The following ZFHX3 variants were observed in gnomAD, a reference collection of about 807,000 sequenced individuals.
ZFHX3 encodes zinc finger homeobox protein 3.
In ZFHX3, 42 loss-of-function variants were observed where a neutral mutation model predicts 279.1. That is an observed-to-expected ratio of 0.15 (90% CI 0.12 to 0.19). The LOEUF is 0.19. Ranked by LOEUF, ZFHX3 falls within the 10% of genes least tolerant of loss-of-function variation. The pLI is 1.00. For missense variants in ZFHX3, 4,981 were observed against 4,754.0 expected (o/e 1.05, Z -1.40); for synonymous variants, 2,293 against 1,957.8 (o/e 1.17, Z -4.52).
At chr16:73,293,444 T>C (rs903600059) in intron 4 of ZFHX3, among the ~76,000 whole-genome samples, 4 of 152,214 alleles carry the variant, frequency 2.6e-5, no homozygotes, top group African/African-American at 9.6e-5. Context: ...CCAGGAATCA[T>C]CATAAATGGT....
chr16:73,027,195 T>C (rs549502138), intron 1 of ZFHX3, among the ~76,000 whole-genome samples: 3 of 152,360 alleles, frequency 2.0e-5, no homozygotes, highest in African/African-American at 4.8e-5. Flanking sequence ...TGGCAGGCCA[T>C]GCCAACATGT....
At chr16:72,874,036 G>T (rs1046488603) in intron 4 of ZFHX3, among the ~76,000 whole-genome samples, 1 of 152,008 alleles carries the variant, frequency 6.6e-6, no homozygotes, top group African/African-American at 2.4e-5. Flanking sequence ...TGTCTGTTGT[G>T]CCCGAGGACA....
At position 73,618,926 on chromosome 16, in the gene ZFHX3, C is replaced by G. The variant is rs976972021; in HGVS notation, c.-1547+61254G>C. On this transcript the variant is annotated intron_variant, in intron 2 of 17. Transcript: ENST00000641206. ...CAAGGGGCATGAGATGTGATGGGAC[C>G]ATGACTTGTCACAGCTGACTACCAT... is the stretch of plus-strand genomic sequence containing the variant. Among the ~76,000 whole-genome samples, 3 of 152,132 alleles carry G rather than the reference C, an allele frequency of 2.0e-5. No homozygotes were observed. In the South Asian group the frequency reaches 6.2e-4, roughly 32 times the overall value.
chr16:73,502,371 G>C (rs1188266005), intron 2 of ZFHX3, among the ~76,000 whole-genome samples: 2 of 152,192 alleles, frequency 1.3e-5, no homozygotes, highest in Non-Finnish European at 2.9e-5. Context: ...TTTTTGACGA[G>C]GTCGTCATGC....
intron 2 of ZFHX3, among the ~76,000 whole-genome samples, chr16:73,484,675 C>T (rs1395935364): frequency 2.6e-5 from 4 of 152,174 alleles, no homozygotes; most frequent in Admixed American, 6.5e-5. Flanking sequence ...CAATACTTCC[C>T]AAAGCATTCT....
At chr16:73,117,363 T>C (rs990407936) in intron 7 of ZFHX3, among the ~76,000 whole-genome samples, 3 of 152,246 alleles carry the variant, frequency 2.0e-5, no homozygotes, top group African/African-American at 7.2e-5. Flanking sequence ...AATTGTATAC[T>C]AGGTCATGAA....
intron 1 of ZFHX3, among the ~76,000 whole-genome samples, chr16:72,964,216 T>A (rs1332308539): frequency 6.6e-6 from 1 of 152,012 alleles, no homozygotes; most frequent in Non-Finnish European, 1.5e-5. Flanking sequence ...GAATTCATCA[T>A]AAGGAAAGAA....
At chr16:73,309,200 A>C (rs1179736602) in intron 4 of ZFHX3, among the ~76,000 whole-genome samples, 3 of 152,052 alleles carry the variant, frequency 2.0e-5, no homozygotes, top group Admixed American at 2.0e-4. Context: ...AGTACCCCAT[A>C]GTTGTTTTTT....
intron 5 of ZFHX3, among the ~76,000 whole-genome samples, chr16:73,202,084 G>T (rs1334085225): frequency 6.6e-6 from 1 of 152,080 alleles, no homozygotes; most frequent in Non-Finnish European, 1.5e-5. Context: ...TCTTAAAAAA[G>T]GCATTTAAAT....
chr16:73,425,024 C>T lies in ZFHX3; in HGVS notation c.-1291+30979G>A, dbSNP rs556706107. Among the ~76,000 whole-genome samples, 5 of 152,238 alleles carry T rather than the reference C, an allele frequency of 3.3e-5. No individual in the cohort carries two copies. In the South Asian group the frequency reaches 8.3e-4, roughly 25 times the overall value. The stretch of plus-strand genomic sequence containing the variant: ...CAGCGGGAGTGCGTCTTGCCTGTCC[C>T]CACCCTCTCTTCTTCTGTGTTTCTG... On this transcript the variant is annotated intron_variant, in intron 3 of 17. Transcript: ENST00000641206.
intron 3 of ZFHX3, among the ~76,000 whole-genome samples, chr16:72,906,066 A>G (rs2039162541): frequency 6.6e-6 from 1 of 151,788 alleles, no homozygotes; most frequent in Non-Finnish European, 1.5e-5. Flanking sequence ...GCTACGCCCA[A>G]ACTCTGGGAT....
intron 5 of ZFHX3, among the ~76,000 whole-genome samples, chr16:73,153,984 G>T (rs747592968): frequency 5.9e-5 from 9 of 152,130 alleles, no homozygotes; most frequent in Admixed American, 1.3e-4. Context: ...GATTACAGGT[G>T]TGAGCCACGG....
At chr16:73,709,791 A>AAAT (rs1293136954) in intron 1 of ZFHX3, among the ~76,000 whole-genome samples, 1 of 152,188 alleles carries the variant, frequency 6.6e-6, no homozygotes, top group Admixed American at 6.5e-5. Context: ...CCACACGAAA[A>AAAT]AATGGTAAGT....
chr16:73,202,422 T>C (rs2011639061), intron 5 of ZFHX3, among the ~76,000 whole-genome samples: 2 of 152,162 alleles, frequency 1.3e-5, no homozygotes, highest in Non-Finnish European at 2.9e-5. Flanking sequence ...TCACCCAGGG[T>C]GAATAGCTCA....
chr16:73,399,648 C>A (rs2017206394), intron 3 of ZFHX3, among the ~76,000 whole-genome samples: 1 of 152,118 alleles, frequency 6.6e-6, no homozygotes, highest in Non-Finnish European at 1.5e-5. Flanking sequence ...CTTGAGTGGG[C>A]CGTGGTTACC....
chr16:73,301,547 A>G (rs1196499954), intron 4 of ZFHX3, among the ~76,000 whole-genome samples: 1 of 152,126 alleles, frequency 6.6e-6, no homozygotes, highest in Non-Finnish European at 1.5e-5. Flanking sequence ...ATACTGCCAA[A>G]TGTCCTCTGG....
chr16:73,885,098 G>A (rs757031017), intron 1 of ZFHX3, among the ~76,000 whole-genome samples: 1 of 150,508 alleles, frequency 6.6e-6, no homozygotes, highest in East Asian at 2.0e-4. Flanking sequence ...GCTGCTGAAA[G>A]GATTGAAAAT....
chr16:72,948,545 G>A (rs867849512), intron 3 of ZFHX3, among the ~76,000 whole-genome samples: 98 of 152,262 alleles, frequency 6.4e-4, no homozygotes, highest in Middle Eastern at 3.4e-3. Flanking sequence ...CAGCAAATCC[G>A]CCGAGTTCCA....
At position 73,227,848 on chromosome 16, in the gene ZFHX3, C is replaced by CAAAAA. The variant is rs398029895; in HGVS notation, c.-1104+29194_-1104+29198dup. ...TGAGCAACAGAGCAAGATTCTGTCT[C>CAAAAA]AAAAAAAAAAAAAAAAAAAAAAAAA... On this transcript the variant is annotated intron_variant, in intron 5 of 17. Transcript: ENST00000641206. Among the ~76,000 whole-genome samples, 66 of 46,036 alleles carry CAAAAA rather than the reference C, an allele frequency of 1.4e-3. 9 individuals are homozygous for CAAAAA. The highest frequency in any genetic ancestry group is 5.9e-3 in the African/African-American group (56 of 9,452). 30.2% of individuals were successfully genotyped at this position (46,036 alleles called of 152,430 possible).
Sources: allele counts gnomAD v4.1 joint callset (sites outside exome capture counted in the v4.1 genomes callset), GRCh38; gene constraint gnomAD v4.1.1; transcripts MANE v1.5; gene names NCBI Gene and HGNC (gene_info 2026-07-23, HGNC 2026-07-21).